The following YTHDC2 variants were observed in gnomAD, a reference collection of about 807,000 sequenced individuals.
The protein encoded by YTHDC2 is YTH N6-methyladenosine RNA binding protein C2.
YTHDC2 carries 45 observed loss-of-function variants against 174.9 expected under a neutral mutation model. The ratio of observed to expected loss-of-function variants is 0.26; its 90% CI spans 0.20 to 0.33. The LOEUF (loss-of-function observed/expected upper bound fraction) is 0.33, where lower values mean the gene tolerates loss of function less well. YTHDC2 is among the 10% of genes least tolerant of loss of function. YTHDC2 has a pLI of 1.00. For missense variants in YTHDC2, 1,650 were observed against 1,723.7 expected (o/e 0.96, Z 0.76); for synonymous variants, 657 against 574.5 (o/e 1.14, Z -2.05).
chr5:113,579,919 A>G, intron 24 of YTHDC2: 3 of 985,174 alleles, frequency 3.0e-6, no homozygotes, highest in Middle Eastern at 5.2e-4. Context: ...AAGCAAGGTA[A>G]TTGTCTTAGT....
intron 26 of YTHDC2, among the ~76,000 whole-genome samples, chr5:113,586,109 T>G (rs1778668239): frequency 6.6e-6 from 1 of 152,110 alleles, no homozygotes; most frequent in Non-Finnish European, 1.5e-5. Flanking sequence ...GACAGCACTA[T>G]TTTGCATTTC....
At chr5:113,558,113 A>T (rs1156623030) in intron 17 of YTHDC2, among the ~76,000 whole-genome samples, 1 of 152,240 alleles carries the variant, frequency 6.6e-6, no homozygotes, top group Non-Finnish European at 1.5e-5. Flanking sequence ...AGGCAGAGGG[A>T]AAGTATAACC....
chr5:113,592,753 C>T (rs575609091), intron 28 of YTHDC2: 1 of 152,466 alleles, frequency 6.6e-6, no homozygotes, highest in East Asian at 1.9e-4. Context: ...GGTTATCATT[C>T]CACAGGAGTA....
At chr5:113,554,595 G>C (rs1776475987) in intron 16 of YTHDC2, among the ~76,000 whole-genome samples, 1 of 151,940 alleles carries the variant, frequency 6.6e-6, no homozygotes, top group Admixed American at 6.6e-5. Flanking sequence ...AGTTTCATTG[G>C]AACTCAGCTA....
intron 3 of YTHDC2, among the ~76,000 whole-genome samples, chr5:113,525,706 G>T (rs1774174141): frequency 6.6e-6 from 1 of 152,022 alleles, no homozygotes; most frequent in Admixed American, 6.6e-5. Context: ...ACATTAAGTT[G>T]CTCAAAAGTA....
At chr5:113,585,316 A>T (rs1439056048) in intron 26 of YTHDC2, among the ~76,000 whole-genome samples, 1 of 152,082 alleles carries the variant, frequency 6.6e-6, no homozygotes, top group Non-Finnish European at 1.5e-5. Flanking sequence ...TGATGTGATG[A>T]CTTTACTGTT....
chr5:113,530,727 G>C (rs1402917341), intron 4 of YTHDC2, among the ~76,000 whole-genome samples: 1 of 151,440 alleles, frequency 6.6e-6, no homozygotes, highest in East Asian at 1.9e-4. Context: ...AAAAATAAAA[G>C]TTAAAAAAAT....
chr5:113,514,366 G>A (rs987521580), intron 1 of YTHDC2: 26 of 641,432 alleles, frequency 4.1e-5, no homozygotes, highest in East Asian at 6.3e-5. Flanking sequence ...GGGCGGTTAA[G>A]CCACCGTGTT....
At chr5:113,588,216 C>G (rs1210153331) in intron 26 of YTHDC2, among the ~76,000 whole-genome samples, 1 of 152,040 alleles carries the variant, frequency 6.6e-6, no homozygotes, top group Admixed American at 6.6e-5. Context: ...CCTTATCTCT[C>G]TGGCCAGAGC....
At chr5:113,514,618 A>G (rs1773273514) in intron 1 of YTHDC2, among the ~76,000 whole-genome samples, 1 of 152,146 alleles carries the variant, frequency 6.6e-6, no homozygotes, top group South Asian at 2.1e-4. Context: ...CAGAACCAGC[A>G]ACTGACCTGC....
At chr5:113,591,294 A>AT (rs1192480728) in intron 27 of YTHDC2, 50 bp downstream of exon 27, 2 of 1,571,998 alleles carry the variant, frequency 1.3e-6, no homozygotes, top group African/African-American at 2.7e-5. Flanking sequence ...TATAGGTTAA[A>AT]TCATAGAGAT....
chr5:113,591,810 A>G (rs746458598), intron 27 of YTHDC2, among the ~76,000 whole-genome samples, 186 bp from the exon 28 acceptor site: 2 of 152,094 alleles, frequency 1.3e-5, no homozygotes, highest in Non-Finnish European at 2.9e-5. Context: ...GTTTTTTTCT[A>G]AAATTTGCTA....
chr5:113,548,951 G>T lies in YTHDC2; in HGVS notation c.1623-4G>T. The T allele has an allele frequency of 1.9e-6, 3 of 1,610,410 alleles. No homozygotes were observed. Among genetic ancestry groups the T allele is most frequent in the African/African-American group, 1.3e-5 (1 of 74,796 alleles). On this transcript the variant is annotated splice_region_variant and splice_polypyrimidine_tract_variant and intron_variant, in intron 11 of 29. Coordinates refer to ENST00000161863, the MANE Select transcript of YTHDC2 (RefSeq NM_022828.5). Reference sequence around the variant, plus strand: ...CATCTTATATATCCTTTGAATTTTGGCAGGATGGCATTGGATTGGGCTAAA... The same window carrying T: ...CATCTTATATATCCTTTGAATTTTGTCAGGATGGCATTGGATTGGGCTAAA...
Position 113,581,433 on chromosome 5 carries a change from T to G in YTHDC2, c.3371T>G (p.Leu1124Arg). ...TLEPEAASLL[L>R]QLRQKWHSLF... ...CTATTACAGGCAGCTAGTTTATTGCTGCAGCTCAGACAGAAGTGGCATAGC... is the reference window on the plus strand; with the variant it reads ...CTATTACAGGCAGCTAGTTTATTGCGGCAGCTCAGACAGAAGTGGCATAGC... The change falls in exon 25 of 30, where the codon CTG becomes CGG. Residue 1124 changes from leucine (L) to arginine (R), a missense_variant. Physicochemically the swap from Leu to Arg is moderately radical, Grantham distance 102. Around this residue, in one of 5 missense-constraint regions of YTHDC2, gnomAD observed 913 missense variants for 940.4 expected, o/e 0.97. Coordinates refer to ENST00000161863, the MANE Select transcript of YTHDC2 (RefSeq NM_022828.5). 1 of 1,606,162 alleles carries G rather than the reference T, an allele frequency of 6.2e-7. No homozygotes were observed. Among genetic ancestry groups the G allele is most frequent in the Non-Finnish European group, 8.5e-7 (1 of 1,176,894 alleles).
intron 7 of YTHDC2, among the ~76,000 whole-genome samples, chr5:113,537,188 AT>A (rs1775138997): frequency 1.3e-5 from 2 of 152,052 alleles, no homozygotes; most frequent in South Asian, 4.1e-4. Flanking sequence ...AGCTTTTGCC[AT>A]TTTACTTTTC....
rs758824322 is a variant in YTHDC2, at chr5:113,549,009, A to G, written c.1677A>G (p.Leu559=). The G allele has an allele frequency of 3.7e-6, 6 of 1,612,330 alleles. No homozygotes were observed. In the African/African-American group the frequency reaches 4.0e-5, roughly 11 times the overall value. ...GGCAGACTGAAATTGTGGATCTTCT[A>G]GAATCTTACAGGTAAAACTTTGTAC... ...HFGQTEIVDL[L]ESYSATLEFG... The change falls in exon 12 of 30, where the codon CTA becomes CTG. Residue 559 remains leucine (L), a synonymous_variant. Coordinates refer to ENST00000161863, the MANE Select transcript of YTHDC2 (RefSeq NM_022828.5).
At chr5:113,544,304 A>G (rs191549777) in intron 10 of YTHDC2, among the ~76,000 whole-genome samples, 3 of 152,170 alleles carry the variant, frequency 2.0e-5, no homozygotes, top group Non-Finnish European at 4.4e-5. Flanking sequence ...GTGCGTCACC[A>G]TGCCCAGCTA....
At chr5:113,533,079 C>T in intron 5 of YTHDC2, 34 bp downstream of exon 5, 1 of 1,604,888 alleles carries the variant, frequency 6.2e-7, no homozygotes, top group Middle Eastern at 1.7e-4. Flanking sequence ...TCTCTTTTAT[C>T]ATGCTTAAAA....
chr5:113,579,658 A>C lies in YTHDC2; in HGVS notation c.3317A>C (p.Lys1106Thr), dbSNP rs769400650. The C allele has an allele frequency of 2.5e-6, 4 of 1,610,380 alleles. No individual in the cohort carries two copies. Among genetic ancestry groups the C allele is most frequent in the Non-Finnish European group, 3.4e-6 (4 of 1,177,992 alleles). Residue 1106 changes from lysine to threonine, a missense_variant, in exon 24 of 30, where the codon AAA becomes ACA. This residue lies in a region of YTHDC2 where 913 missense variants were observed against 940.4 expected (regional missense o/e 0.97). Transcript: ENST00000161863. The stretch of plus-strand genomic sequence containing the variant: ...ACTACAGCTAATTTGGCAGCCTTGA[A>C]ACTTGATGAGTGGCTCCATTTCACA... ...DKTTANLAAL[K>T]LDEWLHFTLE...
Sources: gnomAD v4.1 joint callset for allele counts (sites outside exome capture counted in the v4.1 genomes callset) on GRCh38, gnomAD v4.1.1 for gene constraint, gnomAD v4.1.1 regional missense constraint, MANE v1.5 for transcripts, NCBI Gene and HGNC (gene_info 2026-07-23, HGNC 2026-07-21) for gene names.